Variants in PRDM1 observed in about 807,000 individuals in gnomAD.
PRDM1 encodes the protein PR/SET domain 1, also known as PR domain zinc finger protein 1.
PRDM1 carries 13 observed loss-of-function variants against 62.8 expected under a neutral mutation model. The observed-to-expected ratio is 0.21, with a 90% confidence interval of 0.13 to 0.33. PRDM1 has a LOEUF of 0.33. PRDM1 is among the 10% of genes least tolerant of loss of function. The pLI is 1.00. For missense variants in PRDM1, 895 were observed against 1,058.8 expected, an observed-to-expected ratio of 0.85 and a Z score of 2.15; for synonymous variants, 396 against 417.6, an observed-to-expected ratio of 0.95 and a Z score of 0.63.
At chr6:106,064,899 A>G (rs932038809) in intron 1 of PRDM1, among the ~76,000 whole-genome samples, 1 of 152,154 alleles carries the variant, frequency 6.6e-6, no homozygotes, top group African/African-American at 2.4e-5. Context: ...GCTTAACTGA[A>G]TCACCGTTTC....
chr6:106,087,952 C>A, intron 1 of PRDM1: 2 of 262,160 alleles, frequency 7.6e-6, no homozygotes, highest in Non-Finnish European at 1.4e-5. Flanking sequence ...TTTTTTTTTC[C>A]TTTTCCCCAC....
chr6:106,095,160 T>G (rs1193950107), intron 2 of PRDM1, among the ~76,000 whole-genome samples: 1 of 152,192 alleles, frequency 6.6e-6, no homozygotes, highest in African/African-American at 2.4e-5. Context: ...TATTTTGGTT[T>G]CTGAGGTCAG....
At chr6:106,074,755 G>A (rs1306269174) in intron 1 of PRDM1, among the ~76,000 whole-genome samples, 1 of 152,094 alleles carries the variant, frequency 6.6e-6, no homozygotes, top group Admixed American at 6.5e-5. Context: ...CGGGCGGATC[G>A]CTTGAGGCCA....
At chr6:106,027,358 GA>G (rs1459497127) in intron 1 of PRDM1, among the ~76,000 whole-genome samples, 1 of 152,210 alleles carries the variant, frequency 6.6e-6, no homozygotes, top group Non-Finnish European at 1.5e-5. Flanking sequence ...AAGAAGGGGG[GA>G]AAAACTTCAC....
At chr6:106,021,023 AC>A (rs1184996560) in intron 1 of PRDM1, among the ~76,000 whole-genome samples, 1 of 152,160 alleles carries the variant, frequency 6.6e-6, no homozygotes, top group East Asian at 1.9e-4. Context: ...ATTATAAAAG[AC>A]TAGCATTAAT....
In PRDM1 at chr6:106,107,463, A is replaced by G. The variant is rs144251405; in HGVS notation, c.2455A>G (p.Thr819Ala). 55 of 1,604,862 alleles carry G rather than the reference A, an allele frequency of 3.4e-5. No individual in the cohort carries two copies. In the African/African-American group the frequency reaches 5.5e-4, roughly 16 times the overall value. ...GGTACCTGTAAAGGTCAAACAAGAA[A>G]CAGTTGAACCAATGGATCCTTAAGA... ...PLVPVKVKQETVEPMDP is the reference protein window; with the variant it reads ...PLVPVKVKQEAVEPMDP The change falls in exon 7 of 7, where the codon ACA becomes GCA. Residue 819 changes from threonine to alanine, a missense_variant. Around this residue, in one of 4 missense-constraint regions of PRDM1, gnomAD observed 164 missense variants for 179.9 expected, o/e 0.91. Transcript: ENST00000369096.
At chr6:106,025,706 CAT>C (rs1242017621) in intron 1 of PRDM1, among the ~76,000 whole-genome samples, 2 of 152,156 alleles carry the variant, frequency 1.3e-5, no homozygotes, top group African/African-American at 2.4e-5. Flanking sequence ...GGTATAATAA[CAT>C]AGCATTATTA....
chr6:106,055,635 G>A (rs1309938268), intron 1 of PRDM1, among the ~76,000 whole-genome samples: 1 of 152,196 alleles, frequency 6.6e-6, no homozygotes, highest in Non-Finnish European at 1.5e-5. Context: ...TCTATTTGTT[G>A]AGTGTTGCAA....
rs1304626412 is a variant in PRDM1 at position 105,994,643 on chromosome 6, CT to C, written c.-67+1008del. ...TCTCGAGATAGGTTTAGAGCCCGTCCTTTTGTCTGGAGTGTCGCGGGACTCC... is the reference window on the plus strand; with the variant it reads ...TCTCGAGATAGGTTTAGAGCCCGTCCTTTGTCTGGAGTGTCGCGGGACTCC... On this transcript the variant is annotated intron_variant, in intron 1 of 6. Transcript: ENST00000652320. The surrounding 1 kb of genome is among the most constrained non-coding windows in gnomAD (Gnocchi z 4.1). 6.6e-6 allele frequency among the ~76,000 whole-genome samples: 1 copy of C among 152,176 alleles called. No individual in the cohort carries two copies. Among genetic ancestry groups the C allele is most frequent in the East Asian group, 1.9e-4 (1 of 5,192 alleles).
At chr6:105,992,750 C>T (rs569241255), upstream of PRDM1, among the ~76,000 whole-genome samples, 28 of 152,382 alleles carry the variant, frequency 1.8e-4, no homozygotes, top group Admixed American at 1.5e-3. Context: ...CCTCCCTCCA[C>T]TTCAGGTCCC....
At chr6:105,993,789 T>TA (rs1384810278) in intron 1 of PRDM1, among the ~76,000 whole-genome samples, 1 of 152,164 alleles carries the variant, frequency 6.6e-6, no homozygotes, top group Admixed American at 6.5e-5. Flanking sequence ...GGGGCTCTGA[T>TA]ATCGCTTAAT....
At chr6:106,009,180 G>A (rs1314718044) in intron 1 of PRDM1, among the ~76,000 whole-genome samples, 1 of 152,234 alleles carries the variant, frequency 6.6e-6, no homozygotes, top group East Asian at 1.9e-4. Flanking sequence ...TTTGACAAAA[G>A]ATGTTTGAAG....
rs1774421987 is a variant in PRDM1 at position 106,105,163 on chromosome 6, C to T, written c.1003C>T (p.Pro335Ser). ...CTCCCCCATTCCATCCTCCACCACT[C>T]CAAGCCCCTCTGCAAGAAGCAGCCC... ...TRSPIPSSTT[P>S]SPSARSSPDQ... The change falls in exon 5 of 7, where the codon CCA becomes TCA. Residue 335 changes from proline (P) to serine (S), a missense_variant. Transcript: ENST00000369096. 1.1e-5 allele frequency: 17 copies of T among 1,613,128 alleles called. No individual in the cohort carries two copies. Among genetic ancestry groups the T allele is most frequent in the Non-Finnish European group, 1.4e-5 (16 of 1,179,718 alleles).
At chr6:106,088,002 ACTAAGAGTAGCATTT>A in intron 1 of PRDM1, 184 bp from the exon 2 acceptor site, 1 of 198,216 alleles carries the variant, frequency 5.0e-6, no homozygotes, top group Non-Finnish European at 9.0e-6. Flanking sequence ...TTTTTTTTTA[ACTAAGAGTAGCATTT>A]AAAAACCTTG....
chr6:106,011,957 A>C (rs1163271066), intron 1 of PRDM1, among the ~76,000 whole-genome samples: 1 of 145,046 alleles, frequency 6.9e-6, no homozygotes. Context: ...CACACACCAC[A>C]CTACACACAC....
In PRDM1 at chr6:106,105,667, G is replaced by T. The variant is rs770232245; in HGVS notation, c.1507G>T (p.Ala503Ser). ...HSAFSFTGAA[A>S]SMKDKACSPT... ...TGCCTTCTCCTTTACCGGGGCCGCC[G>T]CCAGCATGAAGGACAAGGCCTGTAG... The change falls in exon 5 of 7, where the codon GCC becomes TCC. Residue 503 changes from alanine to serine, a missense_variant. By Grantham distance (99) the Ala-to-Ser change is moderately conservative. This residue lies in a region of PRDM1 where 444 missense variants were observed against 422.7 expected (regional missense o/e 1.05). Coordinates refer to ENST00000369096, the MANE Select transcript of PRDM1 (RefSeq NM_001198.4). The T allele has an allele frequency of 8.1e-6, 13 of 1,612,016 alleles. No individual in the cohort carries two copies. The African/African-American group carries it at 1.2e-4, about 15-fold the overall frequency.
Position 106,105,742 on chromosome 6 carries a change from G to A in PRDM1, c.1582G>A (p.Val528Met), listed in dbSNP as rs773441438. 4 of 1,614,132 alleles carry A rather than the reference G, an allele frequency of 2.5e-6. No individual in the cohort carries two copies. Among genetic ancestry groups the A allele is most frequent in the South Asian group, 2.2e-5 (2 of 91,092 alleles). ...GGGAACAGCCGCCACGGCAGAACATGTGGTGCAGCCCAAAGCTACCTCAGC... is the reference window on the plus strand; with the variant it reads ...GGGAACAGCCGCCACGGCAGAACATATGGTGCAGCCCAAAGCTACCTCAGC... ...TAGTAATAEHVVQPKATSAAM... is the reference protein window; with the variant it reads ...TAGTAATAEHMVQPKATSAAM... The change falls in exon 5 of 7, where the codon GTG becomes ATG. Residue 528 changes from valine (V) to methionine (M), a missense_variant. By Grantham distance (21) the Val-to-Met change is conservative. Coordinates refer to ENST00000369096, the MANE Select transcript of PRDM1 (RefSeq NM_001198.4).
chr6:106,012,123 A>ACT (rs1772559940), intron 1 of PRDM1, among the ~76,000 whole-genome samples: 1 of 128,270 alleles, frequency 7.8e-6, no homozygotes, highest in Non-Finnish European at 1.6e-5. Context: ...TCATACACAC[A>ACT]CACACAAACA....
At chr6:106,044,193 TC>T (rs1237298137), upstream of PRDM1, among the ~76,000 whole-genome samples, 68 of 150,582 alleles carry the variant, frequency 4.5e-4, 1 homozygote, top group East Asian at 0.013. Context: ...TTTTTTTCTT[TC>T]TTTTTTTTTT....
Sources: gnomAD v4.1 joint callset for allele counts (sites outside exome capture counted in the v4.1 genomes callset) on GRCh38, gnomAD v4.1.1 for gene constraint, gnomAD v4.1.1 regional missense constraint, Gnocchi (gnomAD v3.1) non-coding constraint, MANE v1.5 for transcripts, NCBI Gene and HGNC (gene_info 2026-07-23, HGNC 2026-07-21) for gene names.